Variants in ENTREP3 observed in about 807,000 individuals in gnomAD.
ENTREP3 encodes endosomal transmembrane epsin interactor 3, also known as protein ENTREP3.
At chr1:155,254,953 C>T in the ENTREP3 span, 7 of 1,188,872 alleles carry the variant, frequency 5.9e-6, no homozygotes, top group Non-Finnish European at 8.4e-6. The surrounding 1 kb of genome is among the most constrained non-coding windows in gnomAD (Gnocchi z 4.4). Context: ...CCCAAGGCCC[C>T]GTCCTTTCTC....
chr1:155,248,322 A>C, the ENTREP3 span: 1 of 1,610,526 alleles, frequency 6.2e-7, no homozygotes, highest in Non-Finnish European at 8.5e-7. Flanking sequence ...AGACAGAGAT[A>C]AGAGAATGGT....
At chr1:155,250,383 C>T in the ENTREP3 span, 1 of 1,531,936 alleles carries the variant, frequency 6.5e-7, no homozygotes, top group African/African-American at 1.4e-5. This position sits in a 1 kb window ranked among gnomAD's most constrained non-coding sequence, Gnocchi z 5.4. Context: ...GGTGAGGGAA[C>T]CTGAGCTATC....
the ENTREP3 span, chr1:155,254,234 A>C: frequency 2.6e-6 from 4 of 1,536,558 alleles, no homozygotes; most frequent in Non-Finnish European, 3.6e-6. This position sits in a 1 kb window ranked among gnomAD's most constrained non-coding sequence, Gnocchi z 4.4. Context: ...TGGGACCCTC[A>C]TGAGTACTCC....
chr1:155,253,873 G>A, the ENTREP3 span: 27 of 1,612,860 alleles, frequency 1.7e-5, no homozygotes, highest in African/African-American at 5.3e-5. Context: ...AGGGCCCCTC[G>A]GGCTTCATCA....
At chr1:155,254,432 T>C in the ENTREP3 span, 3 of 1,614,130 alleles carry the variant, frequency 1.9e-6, no homozygotes, top group Non-Finnish European at 2.5e-6. This position sits in a 1 kb window ranked among gnomAD's most constrained non-coding sequence, Gnocchi z 4.4. Flanking sequence ...CAGGACACAA[T>C]GCCAACCACC....
At chr1:155,251,757 C>A in the ENTREP3 span, 1 of 1,610,702 alleles carries the variant, frequency 6.2e-7, no homozygotes, top group Non-Finnish European at 8.5e-7. Context: ...TTCTGAGCTG[C>A]AGGTATACTC....
the ENTREP3 span, chr1:155,248,544 G>T: frequency 1.4e-6 from 2 of 1,396,346 alleles, no homozygotes; most frequent in African/African-American, 2.8e-5. Context: ...CCCTCCTGTG[G>T]GAACTCAAGC....
the ENTREP3 span, chr1:155,250,152 T>G: frequency 2.7e-6 from 2 of 745,810 alleles, no homozygotes; most frequent in African/African-American, 1.9e-5. The surrounding 1 kb of genome is among the most constrained non-coding windows in gnomAD (Gnocchi z 5.4). Context: ...ACCAGAGGAG[T>G]GAACTCACCC....
chr1:155,249,662 G>A, the ENTREP3 span, among the ~76,000 whole-genome samples: 10 of 151,864 alleles, frequency 6.6e-5, no homozygotes, highest in Non-Finnish European at 7.4e-5. Flanking sequence ...GGCAGATCAC[G>A]AGGTCAGGAG....
chr1:155,252,690 G>GTGTATATATATATATA, the ENTREP3 span: 35 of 32,868 alleles, frequency 1.1e-3, no homozygotes, highest in Admixed American at 1.6e-3. Flanking sequence ...AATTTTGTGT[G>GTGTATATATATATATA]TATATATATA....
chr1:155,250,551 G>C, the ENTREP3 span: 2 of 1,576,958 alleles, frequency 1.3e-6, no homozygotes, highest in South Asian at 1.1e-5. This position sits in a 1 kb window ranked among gnomAD's most constrained non-coding sequence, Gnocchi z 5.4. Context: ...GGCACCCAGT[G>C]GGGGTGGAGC....
chr1:155,254,088 G>A, the ENTREP3 span: 1 of 1,614,008 alleles, frequency 6.2e-7, no homozygotes. This position sits in a 1 kb window ranked among gnomAD's most constrained non-coding sequence, Gnocchi z 4.4. Flanking sequence ...TCTCACCAGA[G>A]AGCACTGTTG....
the ENTREP3 span, among the ~76,000 whole-genome samples, chr1:155,249,386 C>T: frequency 1.3e-5 from 2 of 152,208 alleles, no homozygotes; most frequent in East Asian, 1.9e-4. Context: ...CCACCGTGCC[C>T]GGCCTGAAGT....
chr1:155,251,925 G>A, the ENTREP3 span: 2 of 1,418,014 alleles, frequency 1.4e-6, no homozygotes, highest in Non-Finnish European at 9.2e-7. Context: ...AAGCGAGCAG[G>A]TCAGCAAGTC....
chr1:155,255,184 GA>G, the ENTREP3 span: 1 of 508,460 alleles, frequency 2.0e-6, no homozygotes, highest in Non-Finnish European at 3.6e-6. This position sits in a 1 kb window ranked among gnomAD's most constrained non-coding sequence, Gnocchi z 5.6. Flanking sequence ...GGGGCACCGA[GA>G]AGGGCCGGTC....
chr1:155,250,193 C>G, the ENTREP3 span: 1 of 1,286,016 alleles, frequency 7.8e-7, no homozygotes, highest in Admixed American at 2.5e-5. The surrounding 1 kb of genome is among the most constrained non-coding windows in gnomAD (Gnocchi z 5.4). Context: ...TCAACTGTGC[C>G]CCAATCCTGG....
chr1:155,250,443 C>T, the ENTREP3 span: 1 of 1,485,064 alleles, frequency 6.7e-7, no homozygotes, highest in Non-Finnish European at 8.9e-7. The surrounding 1 kb of genome is among the most constrained non-coding windows in gnomAD (Gnocchi z 5.4). Flanking sequence ...GGCTGGGCGG[C>T]CCCCTCCCCG....
chr1:155,253,294 C>A, the ENTREP3 span: 1 of 240,336 alleles, frequency 4.2e-6, no homozygotes, highest in Non-Finnish European at 8.0e-6. Context: ...ATCCGCCTGC[C>A]TGGGCCTCTC....
At chr1:155,255,267 ATAAGTC>A in the ENTREP3 span, 3 of 304,128 alleles carry the variant, frequency 9.9e-6, no homozygotes, top group Non-Finnish European at 1.9e-5. This position sits in a 1 kb window ranked among gnomAD's most constrained non-coding sequence, Gnocchi z 5.6. Flanking sequence ...AAGGATGGAA[ATAAGTC>A]TAGAGAAGAG....
Sources: gnomAD v4.1 joint callset for allele counts (sites outside exome capture counted in the v4.1 genomes callset) on GRCh38, gnomAD v4.1.1 for gene constraint, Gnocchi (gnomAD v3.1) non-coding constraint, MANE v1.5 for transcripts, NCBI Gene and HGNC (gene_info 2026-07-23, HGNC 2026-07-21) for gene names.